The following PCDHGA4 variants were observed in gnomAD, a reference collection of about 807,000 sequenced individuals.
PCDHGA4 encodes the protein protocadherin gamma subfamily A, 4, also known as protocadherin gamma-A4.
In PCDHGA4, 38 loss-of-function variants were observed where a neutral mutation model predicts 54.6. That is an observed-to-expected ratio of 0.70 (90% CI 0.54 to 0.91). The LOEUF (loss-of-function observed/expected upper bound fraction) is 0.91. PCDHGA4 is among the 40% of genes least tolerant of loss of function. The pLI is 0.00. For synonymous variants in PCDHGA4, 511 were observed against 512.9 expected (o/e 1.00, Z 0.05); for missense variants, 1,298 against 1,220.9 (o/e 1.06, Z -0.94).
intron 1 of PCDHGA4, chr5:141,392,909 C>T: frequency 1.2e-6 from 2 of 1,613,876 alleles, no homozygotes; most frequent in Admixed American, 3.3e-5. Flanking sequence ...GACAGATTCG[C>T]TACTCTGTGC....
At chr5:141,461,974 C>T (rs2099027742) in intron 1 of PCDHGA4, among the ~76,000 whole-genome samples, 1 of 152,202 alleles carries the variant, frequency 6.6e-6, no homozygotes, top group Non-Finnish European at 1.5e-5. Context: ...CAGGCATATG[C>T]CACCACGCCA....
chr5:141,413,010 C>A, intron 1 of PCDHGA4: 1 of 640,210 alleles, frequency 1.6e-6, no homozygotes. Flanking sequence ...AGGGCTTCAA[C>A]TACACAAGCC....
chr5:141,439,310 A>G lies in PCDHGA4; in HGVS notation c.2515-55497A>G, dbSNP rs775009481. ...TCCATGGAAAAAGTAAAGCCCAGGCATGGAAGTGGGAATGGAAAGAAAGAT... is the reference window on the plus strand; with the variant it reads ...TCCATGGAAAAAGTAAAGCCCAGGCGTGGAAGTGGGAATGGAAAGAAAGAT... On this transcript the variant is annotated intron_variant, in intron 1 of 3. Transcript: ENST00000571252. 1.6e-4 allele frequency among the ~76,000 whole-genome samples: 24 copies of G among 152,320 alleles called. No homozygotes were observed. In the South Asian group the frequency reaches 4.1e-3, roughly 26 times the overall value.
chr5:141,509,825 C>A (rs1057042581), intron 3 of PCDHGA4, among the ~76,000 whole-genome samples: 18 of 152,222 alleles, frequency 1.2e-4, no homozygotes, highest in African/African-American at 1.2e-4. Context: ...TCTCCATCTT[C>A]TCTCTACCTC....
At chr5:141,397,699 C>A (rs1304915257) in intron 1 of PCDHGA4, among the ~76,000 whole-genome samples, 1 of 152,158 alleles carries the variant, frequency 6.6e-6, no homozygotes, top group Non-Finnish European at 1.5e-5. Flanking sequence ...AAAAACCCAA[C>A]GTGATATTTC....
At chr5:141,457,094 C>T (rs2098908295) in intron 1 of PCDHGA4, among the ~76,000 whole-genome samples, 1 of 152,154 alleles carries the variant, frequency 6.6e-6, no homozygotes, top group Non-Finnish European at 1.5e-5. Context: ...TATAAGGATA[C>T]TAATTAAGCA....
intron 1 of PCDHGA4, chr5:141,421,632 G>A (rs2096589368): frequency 6.2e-7 from 1 of 1,613,846 alleles, no homozygotes; most frequent in South Asian, 1.1e-5. Context: ...CCAGCTTCCA[G>A]GAGGACGAAG....
intron 1 of PCDHGA4, chr5:141,384,592 C>T (rs1780248278): frequency 6.2e-7 from 1 of 1,614,120 alleles, no homozygotes; most frequent in African/African-American, 1.3e-5. Flanking sequence ...GATCCTGTAC[C>T]CGGCCCTCCC....
chr5:141,356,260 A>G lies in PCDHGA4; in HGVS notation c.1153A>G (p.Ser385Gly), dbSNP rs1474852125. The G allele has an allele frequency of 1.3e-6, 2 of 1,566,346 alleles. No homozygotes were observed. Among genetic ancestry groups the G allele is most frequent in the Non-Finnish European group, 8.7e-7 (1 of 1,154,810 alleles). Residue 385 changes from serine to glycine, a missense_variant, in exon 1 of 4, where the codon AGC (serine) becomes GGC (glycine). Transcript: ENST00000571252. ...AGAAGTCACAGTTACATCTCTCACC[A>G]GCTCAGTCCAGGAATCTTCTTCCCC... ...APEVTVTSLT[S>G]SVQESSSPGT...
At chr5:141,456,306 G>C (rs937409031) in intron 1 of PCDHGA4, among the ~76,000 whole-genome samples, 1 of 152,158 alleles carries the variant, frequency 6.6e-6, no homozygotes, top group Non-Finnish European at 1.5e-5. Context: ...GAGAACAGCA[G>C]CTAGGGCTCC....
intron 1 of PCDHGA4, among the ~76,000 whole-genome samples, chr5:141,465,422 G>A (rs74711061): frequency 0.01 from 1,576 of 152,260 alleles, 21 homozygotes; most frequent in African/African-American, 0.037. Context: ...AGCACTGAAA[G>A]GTGGGCACTT....
chr5:141,372,084 T>C (rs1169556358), intron 1 of PCDHGA4: 1 of 1,613,714 alleles, frequency 6.2e-7, no homozygotes, highest in South Asian at 1.1e-5. Flanking sequence ...GCTGGTGCTG[T>C]ACCCAGCTCT....
chr5:141,471,046 C>CTTTT (rs1170588345), intron 1 of PCDHGA4, among the ~76,000 whole-genome samples: 3 of 113,278 alleles, frequency 2.6e-5, no homozygotes, highest in African/African-American at 7.1e-5. Flanking sequence ...CCCAAGCCCT[C>CTTTT]TTTTTTTTTT....
chr5:141,510,893 G>C (rs1334514746), intron 3 of PCDHGA4, 54 bp from the exon 4 acceptor site: 1 of 1,612,722 alleles, frequency 6.2e-7, no homozygotes, highest in African/African-American at 1.3e-5. Context: ...ATAAGACAGT[G>C]ACTGTTGAGG....
At chr5:141,441,709 C>T in intron 1 of PCDHGA4, 1 of 321,306 alleles carries the variant, frequency 3.1e-6, no homozygotes, top group Non-Finnish European at 6.1e-6. Flanking sequence ...TTCAAGCTCA[C>T]GCTGCAGGCC....
In PCDHGA4 at chr5:141,362,588, G is replaced by T. The variant is rs79703171; in HGVS notation, c.2514+4967G>T. The T allele has an allele frequency of 1.7e-3, 2,783 of 1,592,322 alleles. 42 individuals carry two copies. In the African/African-American group the frequency reaches 0.031, roughly 18 times the overall value. On this transcript the variant is annotated intron_variant, in intron 1 of 3. Coordinates refer to ENST00000571252, the MANE Select transcript of PCDHGA4 (RefSeq NM_018917.4). ...TTTAATTAATTTATTTTCACTTCTG[G>T]TTTTATTGTTTCACCTAATTTGGGT...
In PCDHGA4 at chr5:141,374,330, A is replaced by G. The variant is rs774789215; in HGVS notation, c.2514+16709A>G. Reference sequence around the variant, plus strand: ...TTTCTCTCTGAATCCGCGAAACGGCAGCTTGGTCACCGCGGGTAGGATAGA... The same window carrying G: ...TTTCTCTCTGAATCCGCGAAACGGCGGCTTGGTCACCGCGGGTAGGATAGA... On this transcript the variant is annotated intron_variant, in intron 1 of 3. Coordinates refer to ENST00000571252, the MANE Select transcript of PCDHGA4 (RefSeq NM_018917.4). 138 of 1,613,872 alleles carry G rather than the reference A, an allele frequency of 8.6e-5. No homozygotes were observed. Among genetic ancestry groups the G allele is most frequent in the Non-Finnish European group, 1.1e-4 (130 of 1,179,866 alleles).
chr5:141,445,545 A>G (rs1422837499), intron 1 of PCDHGA4, among the ~76,000 whole-genome samples: 2 of 152,256 alleles, frequency 1.3e-5, no homozygotes, highest in Non-Finnish European at 2.9e-5. Context: ...AAGGAGAAAT[A>G]CAAAAGCACT....
rs976135607 is a variant in PCDHGA4 at position 141,489,115 on chromosome 5, C to A, written c.2515-5692C>A. ...CTAAGAACTGCTGCAAGCAGGCAAA[C>A]CTCCGAGCAGTTTTTAAGAGGCTGG... On this transcript the variant is annotated intron_variant, in intron 1 of 3. Coordinates refer to ENST00000571252, the MANE Select transcript of PCDHGA4 (RefSeq NM_018917.4). This position sits in a 1 kb window ranked among gnomAD's most constrained non-coding sequence, Gnocchi z 4.5. 7.3e-5 allele frequency: 37 copies of A among 506,794 alleles called. No homozygotes were observed. Among genetic ancestry groups the A allele is most frequent in the Non-Finnish European group, 1.2e-4 (35 of 298,604 alleles). 31.4% of individuals were successfully genotyped at this position (506,794 alleles called of 1,614,324 possible).
Sources: gnomAD v4.1 joint callset for allele counts (sites outside exome capture counted in the v4.1 genomes callset) on GRCh38, gnomAD v4.1.1 for gene constraint, Gnocchi (gnomAD v3.1) non-coding constraint, MANE v1.5 for transcripts, NCBI Gene and HGNC (gene_info 2026-07-23, HGNC 2026-07-21) for gene names.